MUC12: variants seen among roughly 807,000 people sequenced by gnomAD.
MUC12 encodes the protein mucin 12, cell surface associated, also known as mucin-12.
Under a neutral mutation model 230.8 loss-of-function variants are expected in MUC12, and 172 were observed. That is an observed-to-expected ratio of 0.75 (90% CI 0.66 to 0.85). The LOEUF (loss-of-function observed/expected upper bound fraction) is 0.85. Ranked by LOEUF, MUC12 falls within the 40% of genes least tolerant of loss-of-function variation. The pLI, the probability that MUC12 is intolerant of heterozygous loss-of-function variation, is 0.00. For missense variants in MUC12, 3,506 were observed against 5,920.6 expected, an observed-to-expected ratio of 0.59 and a Z score of 13.38; for synonymous variants, 1,259 against 2,401.9, an observed-to-expected ratio of 0.52 and a Z score of 13.91.
chr7:100,990,723 G>A lies in MUC12; in HGVS notation c.160G>A (p.Val54Met), dbSNP rs955702156. 3 of 1,537,700 alleles carry A rather than the reference G, an allele frequency of 2.0e-6. No individual in the cohort carries two copies. Among genetic ancestry groups the A allele is most frequent in the African/African-American group, 2.7e-5 (2 of 72,992 alleles). The change falls in exon 2 of 12, where the codon GTG becomes ATG. Residue 54 changes from valine (V) to methionine (M), a missense_variant. Coordinates refer to ENST00000536621, the MANE Select transcript of MUC12 (RefSeq NM_001164462.2). ...TTTTACCACCTTTAGTGACTATGGG[G>A]TGTCAGTCACATTTATCACGGGCTC... ...DPFTTFSDYG[V>M]SVTFITGSTA...
intron 1 of MUC12, 125 bp downstream of exon 1, chr7:100,969,814 G>T: frequency 2.2e-6 from 3 of 1,388,004 alleles, no homozygotes; most frequent in African/African-American, 1.4e-5. Context: ...GCTGCCACAG[G>T]GCTGGAGACC....
Position 100,990,643 on chromosome 7 carries a change from A to G in MUC12, c.80A>G (p.Asn27Ser), listed in dbSNP as rs1311881523. Residue 27 changes from asparagine to serine, a missense_variant, in exon 2 of 12, where the codon AAC (asparagine) becomes AGC (serine). By Grantham distance (46) the Asn-to-Ser change is conservative. Transcript: ENST00000536621. ...TCTCAAATCACAGGCTCAACAGTAA[A>G]CACCAGTATTGGAGGTAATACAACT... ...VTTVTPGSTV[N>S]TSIGGNTTSA... 1 of 1,537,482 alleles carries G rather than the reference A, an allele frequency of 6.5e-7. No individual in the cohort carries two copies. The highest frequency in any genetic ancestry group is 8.7e-7 in the Non-Finnish European group (1 of 1,146,966).
rs577415446 is a variant in MUC12 at position 100,991,127 on chromosome 7, C to T, written c.564C>T (p.Gly188=). The T allele has an allele frequency of 2.1e-5, 32 of 1,537,682 alleles. No individual in the cohort carries two copies. The highest frequency in any genetic ancestry group is 4.9e-5 in the East Asian group (2 of 40,928). The change falls in exon 2 of 12, where the codon GGC becomes GGT. Residue 188 remains glycine (G), a synonymous_variant. Coordinates refer to ENST00000536621, the MANE Select transcript of MUC12 (RefSeq NM_001164462.2). ...IAFPDSTTMP[G]VSQESTASHS... Reference sequence around the variant, plus strand: ...TCCCTGACAGTACCACCATGCCAGGCGTCAGTCAGGAATCTACAGCTTCCC... The same window carrying T: ...TCCCTGACAGTACCACCATGCCAGGTGTCAGTCAGGAATCTACAGCTTCCC...
chr7:100,974,814 G>C (rs1349968731), intron 1 of MUC12, among the ~76,000 whole-genome samples: 1 of 151,104 alleles, frequency 6.6e-6, no homozygotes, highest in African/African-American at 2.4e-5. Flanking sequence ...AACAGAGAGA[G>C]ACCTTGTCTC....
rs957498136 is a variant in MUC12, at chr7:100,969,657, G to A, written c.35G>A (p.Arg12Gln). 45 of 1,537,244 alleles carry A rather than the reference G, an allele frequency of 2.9e-5. No individual in the cohort carries two copies. The highest frequency in any genetic ancestry group is 1.2e-4 in the Admixed American group (6 of 50,990). The stretch of plus-strand genomic sequence containing the variant: ...ATCTGGATTCTGACGCTGGCTCTCC[G>A]GCTCTGCGCGTCCGTTACTACAGTG... Reference protein sequence around the residue: ...LVIWILTLALRLCASVTTVTP... With the variant: ...LVIWILTLALQLCASVTTVTP... Residue 12 changes from arginine (R) to glutamine (Q), a missense_variant, in exon 1 of 12, where the codon CGG becomes CAG. Arg to Gln is a conservative substitution (Grantham distance 43). Coordinates refer to ENST00000536621, the MANE Select transcript of MUC12 (RefSeq NM_001164462.2).
intron 4 of MUC12, 60 bp downstream of exon 4, chr7:101,008,821 G>A (rs554870855): frequency 1.3e-5 from 20 of 1,500,350 alleles, no homozygotes; most frequent in Middle Eastern, 1.7e-4. Flanking sequence ...GGAAATTGGG[G>A]GGTGCACCCC....
chr7:100,992,504 T>G lies in MUC12; in HGVS notation c.1941T>G (p.Pro647=), dbSNP rs1302187815. 3.3e-6 allele frequency: 5 copies of G among 1,537,710 alleles called. No individual in the cohort carries two copies. Among genetic ancestry groups the G allele is most frequent in the African/African-American group, 2.7e-5 (2 of 73,006 alleles). The part of the protein sequence containing the change: ...WPSSKDTRPA[P]PTTTSAFVEP... Reference sequence around the variant, plus strand: ...GCTCAAAGGACACTAGGCCTGCACCTCCTACTACCACATCAGCCTTTGTTG... The same window carrying G: ...GCTCAAAGGACACTAGGCCTGCACCGCCTACTACCACATCAGCCTTTGTTG... Residue 647 remains proline, a synonymous_variant, in exon 2 of 12, where the codon CCT becomes CCG. Coordinates refer to ENST00000536621, the MANE Select transcript of MUC12 (RefSeq NM_001164462.2).
chr7:100,975,702 G>T (rs1233225983), intron 1 of MUC12, among the ~76,000 whole-genome samples: 1 of 145,908 alleles, frequency 6.9e-6, no homozygotes, highest in East Asian at 2.0e-4. Context: ...AGGGTACAGG[G>T]AGAGGCAGCA....
At chr7:100,972,500 C>T (rs1792927607) in intron 1 of MUC12, among the ~76,000 whole-genome samples, 1 of 152,216 alleles carries the variant, frequency 6.6e-6, no homozygotes, top group Admixed American at 6.5e-5. Context: ...CGATCAGTGG[C>T]ATCTGTAGCT....
rs1271432102 is a variant in MUC12 at position 101,012,466 on chromosome 7, C to A, written c.15403+19C>A. 14 of 1,537,192 alleles carry A rather than the reference C, an allele frequency of 9.1e-6. No individual in the cohort carries two copies. The highest frequency in any genetic ancestry group is 1.2e-5 in the Non-Finnish European group (14 of 1,146,586). The stretch of plus-strand genomic sequence containing the variant: ...TGCAGAAGTAAGCTCACCTAAAACC[C>A]CTTGACACCTGTGGGTGTCTTGGAG... On this transcript the variant is annotated intron_variant, in intron 6 of 11. Transcript: ENST00000536621.
intron 1 of MUC12, among the ~76,000 whole-genome samples, chr7:100,980,155 T>C (rs1291053072): frequency 6.6e-6 from 1 of 152,062 alleles, no homozygotes; most frequent in African/African-American, 2.4e-5. Flanking sequence ...GTGATTCCCC[T>C]GCCTCAGCCT....
Position 100,969,687 on chromosome 7 carries a change from C to G in MUC12, c.65C>G (p.Pro22Arg), listed in dbSNP as rs1584820111. Residue 22 changes from proline (P) to arginine (R), a missense_variant and splice_region_variant, in exon 1 of 12, where the codon CCA becomes CGA. Coordinates refer to ENST00000536621, the MANE Select transcript of MUC12 (RefSeq NM_001164462.2). ...RLCASVTTVT[P>R]GSTVNTSIGG... ...TGCGCGTCCGTTACTACAGTGACACCAGGTGAGTGCTCCTGGGCTGATGCT... is the reference window on the plus strand; with the variant it reads ...TGCGCGTCCGTTACTACAGTGACACGAGGTGAGTGCTCCTGGGCTGATGCT... The G allele has an allele frequency of 6.5e-7, 1 of 1,537,176 alleles. No homozygotes were observed. The highest frequency in any genetic ancestry group is 2.0e-5 in the Admixed American group (1 of 50,974).
chr7:100,984,302 G>A (rs779677161), intron 1 of MUC12, among the ~76,000 whole-genome samples: 8 of 150,642 alleles, frequency 5.3e-5, no homozygotes, highest in East Asian at 1.9e-4. Context: ...TGTCACCCAG[G>A]CTAGAGTACA....
Position 100,995,641 on chromosome 7 carries a change from C to G in MUC12, c.5078C>G (p.Pro1693Arg), listed in dbSNP as rs957966996. 5.2e-5 allele frequency: 80 copies of G among 1,536,978 alleles called. No homozygotes were observed. Among genetic ancestry groups the G allele is most frequent in the East Asian group, 7.3e-5 (3 of 40,918 alleles). The change falls in exon 2 of 12, where the codon CCA (proline) becomes CGA (arginine). Residue 1693 changes from proline (P) to arginine (R), a missense_variant. Transcript: ENST00000536621. ...GAATCTACCACCTTCCAGAGCTGGCCAAGCTCAAAGGACACTATGCCTGCA... is the reference window on the plus strand; with the variant it reads ...GAATCTACCACCTTCCAGAGCTGGCGAAGCTCAAAGGACACTATGCCTGCA... ...QGESTTFQSW[P>R]SSKDTMPAPP... is the part of the protein sequence containing the mutation.
At chr7:101,014,948 G>A (rs2116363106) in intron 9 of MUC12, among the ~76,000 whole-genome samples, 1 of 152,200 alleles carries the variant, frequency 6.6e-6, no homozygotes, top group Non-Finnish European at 1.5e-5. Flanking sequence ...ACCCCTGGCT[G>A]TCTGAACTCG....
intron 1 of MUC12, among the ~76,000 whole-genome samples, chr7:100,980,840 C>T (rs915610971): frequency 2.6e-5 from 4 of 152,066 alleles, no homozygotes; most frequent in African/African-American, 9.7e-5. Context: ...ATCACTTGAG[C>T]CCAGGAGTTT....
chr7:100,989,851 T>C (rs1284756574), intron 1 of MUC12, among the ~76,000 whole-genome samples: 2 of 152,138 alleles, frequency 1.3e-5, no homozygotes, highest in African/African-American at 4.8e-5. Context: ...CCACCACACC[T>C]GGCTAATTTT....
In MUC12 at chr7:100,990,771, G is replaced by T; in HGVS notation, c.208G>T (p.Asp70Tyr). The T allele has an allele frequency of 1.3e-6, 2 of 1,537,768 alleles. No homozygotes were observed. The highest frequency in any genetic ancestry group is 1.7e-6 in the Non-Finnish European group (2 of 1,147,034). Residue 70 changes from aspartate to tyrosine, a missense_variant, in exon 2 of 12, where the codon GAC becomes TAC. Transcript: ENST00000536621. ...CTCAACTGCAACAAAACACTTCCTT[G>T]ACAGCTCCACAAACTCAGGCCACAG... is the stretch of plus-strand genomic sequence containing the variant. ...TGSTATKHFL[D>Y]SSTNSGHSEE...
Position 100,991,493 on chromosome 7 carries a change from C to T in MUC12, c.930C>T (p.Ser310=). 3 of 1,537,378 alleles carry T rather than the reference C, an allele frequency of 2.0e-6. No homozygotes were observed. Among genetic ancestry groups the T allele is most frequent in the Non-Finnish European group, 2.6e-6 (3 of 1,146,714 alleles). Residue 310 remains serine (S), a synonymous_variant, in exon 2 of 12, where the codon AGC becomes AGT. Coordinates refer to ENST00000536621, the MANE Select transcript of MUC12 (RefSeq NM_001164462.2). ...CTACAACTTATCACAGCAGCCCGAG[C>T]TCAACTCCAACAACCCACTTTTCTG... ...KLSTTYHSSP[S]STPTTHFSAS...
Sources: allele counts gnomAD v4.1 joint callset (sites outside exome capture counted in the v4.1 genomes callset), GRCh38; gene constraint gnomAD v4.1.1; transcripts MANE v1.5; gene names NCBI Gene and HGNC (gene_info 2026-07-23, HGNC 2026-07-21).